Variants in NPSR1 observed in about 807,000 individuals in gnomAD.
NPSR1 encodes the protein neuropeptide S receptor 1.
A neutral mutation model predicts 46.9 loss-of-function variants in NPSR1; 48 were observed. The observed-to-expected ratio is 1.02, with a 90% CI of 0.81 to 1.30. The LOEUF (loss-of-function observed/expected upper bound fraction) is 1.30. Among genes scored for constraint, NPSR1 ranks in the 50% most tolerant of loss-of-function variants. The pLI is 0.00. For synonymous variants in NPSR1, 176 were observed against 168.1 expected, an observed-to-expected ratio of 1.05 and a Z score of -0.36; for missense variants, 450 against 449.5, an observed-to-expected ratio of 1.00 and a Z score of -0.01.
intron 2 of NPSR1, among the ~76,000 whole-genome samples, chr7:34,694,854 T>G (rs568952359): frequency 1.2e-3 from 183 of 152,182 alleles, no homozygotes; most frequent in African/African-American, 4.0e-3. Context: ...GGACTACAGG[T>G]GCGCATCACC....
At chr7:34,737,367 G>T (rs1020911795) in intron 2 of NPSR1, among the ~76,000 whole-genome samples, 1 of 151,426 alleles carries the variant, frequency 6.6e-6, no homozygotes, top group African/African-American at 2.4e-5. Flanking sequence ...AAACGAAAAA[G>T]AAGAAGCTTA....
At chr7:34,834,175 C>T (rs1219799972) in intron 5 of NPSR1, 2 of 576,798 alleles carry the variant, frequency 3.5e-6, no homozygotes, top group African/African-American at 3.8e-5. Context: ...TCTTAGCCTC[C>T]TCACTTAAGA....
At chr7:34,794,194 A>G (rs1379532696) in intron 3 of NPSR1, among the ~76,000 whole-genome samples, 1 of 152,134 alleles carries the variant, frequency 6.6e-6, no homozygotes, top group African/African-American at 2.4e-5. Context: ...TGTATTATAT[A>G]TTTCAAAATA....
chr7:34,839,316 T>C (rs796788040), intron 6 of NPSR1, among the ~76,000 whole-genome samples: 19 of 152,360 alleles, frequency 1.2e-4, no homozygotes, highest in African/African-American at 4.6e-4. Context: ...AACATTTTAT[T>C]GAGCTTCACA....
intron 4 of NPSR1, among the ~76,000 whole-genome samples, chr7:34,826,392 C>T (rs768211892): frequency 4.6e-5 from 7 of 152,104 alleles, no homozygotes; most frequent in Admixed American, 2.6e-4. Context: ...TCTTGTAGCT[C>T]GACCACAGTC....
At chr7:34,732,497 C>T (rs1405733097) in intron 2 of NPSR1, among the ~76,000 whole-genome samples, 1 of 152,126 alleles carries the variant, frequency 6.6e-6, no homozygotes, top group African/African-American at 2.4e-5. Flanking sequence ...TTAGGAAAGC[C>T]ACCCACTGCC....
rs550275623 is a variant in NPSR1 at position 34,872,658 on chromosome 7, A to G, written c.1026-5418A>G. Among the ~76,000 whole-genome samples the G allele has an allele frequency of 5.1e-4, 77 of 151,826 alleles. 2 individuals are homozygous for G. The highest frequency in any genetic ancestry group is 9.8e-4 in the Admixed American group (15 of 15,294). On this transcript the variant is annotated intron_variant, in intron 8 of 8. Coordinates refer to the NPSR1 transcript ENST00000359791. ...CACAATCATGGTGGAAGGCAAGGAGAAGCAAATTATGTCTTACATGGATGG... is the reference window on the plus strand; with the variant it reads ...CACAATCATGGTGGAAGGCAAGGAGGAGCAAATTATGTCTTACATGGATGG...
chr7:34,869,261 T>G (rs2128769697), intron 8 of NPSR1, among the ~76,000 whole-genome samples: 1 of 151,586 alleles, frequency 6.6e-6, no homozygotes, highest in South Asian at 2.1e-4. Flanking sequence ...GAAGCGTGGA[T>G]TAGACAATGA....
intron 2 of NPSR1, among the ~76,000 whole-genome samples, chr7:34,702,077 C>T (rs1348315954): frequency 6.6e-6 from 1 of 152,152 alleles, no homozygotes; most frequent in African/African-American, 2.4e-5. Flanking sequence ...CATTGGGAAC[C>T]CAGGCTCCTC....
rs185058929 is a variant in NPSR1, at chr7:34,681,791, C to T, written c.148-2761C>T. On this transcript the variant is annotated intron_variant, in intron 1 of 8. Coordinates refer to ENST00000360581, the MANE Select transcript of NPSR1 (RefSeq NM_207172.2). ...TATCACATCATGAACTAACCCAAAC[C>T]TCTAAATCCCCTAAATCTTTCAAAG... Among the ~76,000 whole-genome samples, 296 of 151,870 alleles carry T rather than the reference C, an allele frequency of 1.9e-3. 1 individual carries two copies. Among genetic ancestry groups the T allele is most frequent in the African/African-American group, 6.7e-3 (278 of 41,258 alleles).
At chr7:34,820,009 A>G (rs1479349125) in intron 4 of NPSR1, among the ~76,000 whole-genome samples, 1 of 152,246 alleles carries the variant, frequency 6.6e-6, no homozygotes, top group East Asian at 1.9e-4. Context: ...AACATGGCAC[A>G]TGTATACCTA....
At chr7:34,786,085 T>A (rs1485329502) in intron 3 of NPSR1, among the ~76,000 whole-genome samples, 1 of 152,186 alleles carries the variant, frequency 6.6e-6, no homozygotes, top group African/African-American at 2.4e-5. Context: ...TAAAAAATTA[T>A]CTGTAGTATG....
intron 8 of NPSR1, among the ~76,000 whole-genome samples, chr7:34,875,229 T>C (rs900309326): frequency 1.3e-5 from 2 of 152,238 alleles, no homozygotes; most frequent in African/African-American, 4.8e-5. Flanking sequence ...GTGACCATAC[T>C]GAGCAAGTTC....
intron 8 of NPSR1, among the ~76,000 whole-genome samples, chr7:34,873,603 T>C (rs13438159): frequency 0.18 from 26,997 of 151,300 alleles, 2,839 homozygotes; most frequent in Non-Finnish European, 0.23. Context: ...ATCACACTCT[T>C]TTAAACAACC....
At chr7:34,750,235 A>C in intron 2 of NPSR1, 1 of 614,998 alleles carries the variant, frequency 1.6e-6, no homozygotes, top group South Asian at 1.7e-5. Context: ...GGAAAGGAAC[A>C]GGCAAGATGA....
At chr7:34,799,001 A>C (rs1486976620) in intron 3 of NPSR1, among the ~76,000 whole-genome samples, 1 of 152,156 alleles carries the variant, frequency 6.6e-6, no homozygotes, top group Non-Finnish European at 1.5e-5. Context: ...ATATTAGAAA[A>C]TAAAAAAATG....
intron 2 of NPSR1, among the ~76,000 whole-genome samples, chr7:34,776,445 A>G (rs1209993952): frequency 6.6e-6 from 1 of 152,132 alleles, no homozygotes; most frequent in Non-Finnish European, 1.5e-5. Flanking sequence ...CTTTTTCACT[A>G]TATAGTAACC....
intron 1 of NPSR1, among the ~76,000 whole-genome samples, chr7:34,666,393 GCA>G (rs1178263031): frequency 6.6e-6 from 1 of 152,156 alleles, no homozygotes; most frequent in Non-Finnish European, 1.5e-5. Context: ...GTTAAAGGTA[GCA>G]CAGTTTGGGA....
Position 34,747,174 on chromosome 7 carries a change from A to C in NPSR1, c.281-31288A>C, listed in dbSNP as rs952314964. On this transcript the variant is annotated intron_variant, in intron 2 of 8. Transcript: ENST00000360581. ...AGGCATTTCTAAGAGAGAGACCTTA[A>C]CCCTAAGGCAGACACTGAAGAGGAT... 9.2e-5 allele frequency among the ~76,000 whole-genome samples: 14 copies of C among 151,856 alleles called. 1 individual carries two copies. The highest frequency in any genetic ancestry group is 1.8e-4 in the Non-Finnish European group (12 of 67,986).
Sources: gnomAD v4.1 joint callset for allele counts (sites outside exome capture counted in the v4.1 genomes callset) on GRCh38, gnomAD v4.1.1 for gene constraint, MANE v1.5 for transcripts, NCBI Gene and HGNC (gene_info 2026-07-23, HGNC 2026-07-21) for gene names.